Variants in LRRIQ1 observed in about 807,000 individuals in gnomAD.
The protein encoded by LRRIQ1 is leucine-rich repeat- and IQ domain-containing protein 1.
A neutral mutation model predicts 211.9 loss-of-function variants in LRRIQ1; 210 were observed. That is an observed-to-expected ratio of 0.99 (90% CI 0.89 to 1.11). The LOEUF (loss-of-function observed/expected upper bound fraction) is 1.11. Among genes scored for constraint, LRRIQ1 ranks in the 50% most tolerant of loss-of-function variants. The pLI is 0.00. For synonymous variants in LRRIQ1, 699 were observed against 650.1 expected, an observed-to-expected ratio of 1.08 and a Z score of -1.14; for missense variants, 2,136 against 1,939.5, an observed-to-expected ratio of 1.10 and a Z score of -1.90.
intron 24 of LRRIQ1, among the ~76,000 whole-genome samples, chr12:85,162,470 A>T (rs755487488): frequency 3.3e-5 from 5 of 152,184 alleles, no homozygotes; most frequent in Non-Finnish European, 7.4e-5. Context: ...AGGAAGAAAG[A>T]TAAGCAGGGT....
At chr12:85,211,793 G>T (rs1445006620) in intron 24 of LRRIQ1, among the ~76,000 whole-genome samples, 1 of 151,930 alleles carries the variant, frequency 6.6e-6, no homozygotes, top group Non-Finnish European at 1.5e-5. Context: ...ATTAAACTTG[G>T]ATCATTCATA....
intron 26 of LRRIQ1, among the ~76,000 whole-genome samples, chr12:85,238,702 G>A (rs979296880): frequency 1.3e-5 from 2 of 151,984 alleles, no homozygotes; most frequent in Non-Finnish European, 2.9e-5. Context: ...CAGATTTGTG[G>A]TAAAAATTCA....
At chr12:85,197,173 AAAC>A (rs1892964472) in intron 24 of LRRIQ1, among the ~76,000 whole-genome samples, 1 of 152,158 alleles carries the variant, frequency 6.6e-6, no homozygotes, top group Non-Finnish European at 1.5e-5. Flanking sequence ...AAAAGTCAGG[AAAC>A]AACAGGTGCT....
intron 7 of LRRIQ1, among the ~76,000 whole-genome samples, chr12:85,054,914 T>A (rs1204324006): frequency 6.6e-6 from 1 of 152,122 alleles, no homozygotes; most frequent in Non-Finnish European, 1.5e-5. Flanking sequence ...GTTGATCTTC[T>A]TACTTTTGGT....
rs1895001559 is a variant in LRRIQ1, at chr12:85,232,710, C to T, written c.4970C>T (p.Pro1657Leu). The change falls in exon 26 of 27, where the codon CCT becomes CTT. Residue 1657 changes from proline to leucine, a missense_variant. Transcript: ENST00000393217. Reference sequence around the variant, plus strand: ...TCACTATGCAGCAATCACTTTTTGCCTGAGTTAGATCCAGATGTACTTAAT... The same window carrying T: ...TCACTATGCAGCAATCACTTTTTGCTTGAGTTAGATCCAGATGTACTTAAT... ...SRNMKCNHFL[P>L]ELDPDVLNGG... is the part of the protein sequence containing the mutation. The T allele has an allele frequency of 4.3e-6, 7 of 1,611,558 alleles. No homozygotes were observed. The highest frequency in any genetic ancestry group is 1.3e-5 in the African/African-American group (1 of 74,758).
intron 24 of LRRIQ1, among the ~76,000 whole-genome samples, chr12:85,205,765 G>T (rs573077518): frequency 3.3e-5 from 5 of 152,202 alleles, no homozygotes; most frequent in African/African-American, 1.2e-4. Context: ...TCTTTACATA[G>T]TCTTATATTT....
chr12:85,055,701 A>G lies in LRRIQ1; in HGVS notation c.908A>G (p.Tyr303Cys). The change falls in exon 8 of 27, where the codon TAT becomes TGT. Residue 303 changes from tyrosine (Y) to cysteine (C), a missense_variant. Tyr to Cys is a radical substitution (Grantham distance 194, BLOSUM62 -2). Transcript: ENST00000393217. ...KYKAFVAYQK[Y>C]GPIIKEQIES... ...AAAGCATTTGTTGCCTATCAAAAAT[A>G]TGGCCCAATTATTAAAGAGCAAATT... 1.2e-6 allele frequency: 2 copies of G among 1,609,292 alleles called. No individual in the cohort carries two copies. The highest frequency in any genetic ancestry group is 2.7e-5 in the African/African-American group (2 of 74,674).
At chr12:85,154,704 G>A (rs1353273659) in intron 23 of LRRIQ1, among the ~76,000 whole-genome samples, 1 of 151,066 alleles carries the variant, frequency 6.6e-6, no homozygotes, top group Non-Finnish European at 1.5e-5. Context: ...GAAATATCAG[G>A]ATATTATGAT....
chr12:85,121,717 TG>T lies in LRRIQ1; in HGVS notation c.3399del (p.Leu1133PhefsTer4). ...AATAGGGATTCTCTACTTAAAGTGTTGCCTGCTCTGAGAATCCTCAATGGCA... is the reference window on the plus strand; with the variant it reads ...AATAGGGATTCTCTACTTAAAGTGTTCCTGCTCTGAGAATCCTCAATGGCA... Reference protein sequence around the residue: ...TNWRDSLLKVLPALRILNGNI... With the variant: ...TNWRDSLLKVXPALRILNGNI... On this transcript the variant is annotated frameshift_variant, in exon 16 of 27. Coordinates refer to ENST00000393217, the MANE Select transcript of LRRIQ1 (RefSeq NM_001079910.2). LOFTEE classifies it high-confidence loss of function. The T allele has an allele frequency of 6.3e-7, 1 of 1,591,740 alleles. No homozygotes were observed. Among genetic ancestry groups the T allele is most frequent in the Non-Finnish European group, 8.5e-7 (1 of 1,170,734 alleles).
rs1888226641 is a variant in LRRIQ1, at chr12:85,124,487, G to T, written c.3975G>T (p.Arg1325Ser). Residue 1325 changes from arginine (R) to serine (S), a missense_variant, in exon 17 of 27, where the codon AGG becomes AGT. Arg to Ser is a moderately radical substitution (Grantham distance 110). Transcript: ENST00000393217. ...TAGTAATGACAAATTCTTTGCTGAGGAATCACCAAAATATTGAGCCTAGTG... is the reference window on the plus strand; with the variant it reads ...TAGTAATGACAAATTCTTTGCTGAGTAATCACCAAAATATTGAGCCTAGTG... The part of the protein sequence containing the change: ...KEVVMTNSLL[R>S]NHQNIEPSEK... 3.1e-6 allele frequency: 5 copies of T among 1,612,904 alleles called. No individual in the cohort carries two copies. In the East Asian group the frequency reaches 1.1e-4, roughly 36 times the overall value.
chr12:85,043,321 A>T (rs1351627042), intron 3 of LRRIQ1, among the ~76,000 whole-genome samples: 1 of 152,066 alleles, frequency 6.6e-6, no homozygotes, highest in African/African-American at 2.4e-5. Context: ...TTACAAAAAA[A>T]ATAGCTCATT....
At chr12:85,133,286 G>T (rs1167418796) in intron 18 of LRRIQ1, among the ~76,000 whole-genome samples, 1 of 151,962 alleles carries the variant, frequency 6.6e-6, no homozygotes, top group African/African-American at 2.4e-5. Flanking sequence ...AATTTTGTAG[G>T]TTGGGTAAAA....
chr12:85,195,168 G>T (rs919699955), intron 24 of LRRIQ1, among the ~76,000 whole-genome samples: 12 of 151,928 alleles, frequency 7.9e-5, no homozygotes, highest in African/African-American at 2.4e-4. Flanking sequence ...ATCTGAAATT[G>T]TGGCAATAAT....
At chr12:85,222,572 T>G (rs1331438734) in intron 24 of LRRIQ1, among the ~76,000 whole-genome samples, 4 of 152,066 alleles carry the variant, frequency 2.6e-5, no homozygotes, top group Non-Finnish European at 5.9e-5. Flanking sequence ...TGAAAGGGTG[T>G]TGGGAGAAAG....
intron 11 of LRRIQ1, among the ~76,000 whole-genome samples, chr12:85,088,864 T>C (rs1455163141): frequency 6.6e-6 from 1 of 152,228 alleles, no homozygotes; most frequent in African/African-American, 2.4e-5. Flanking sequence ...GTTTTCTAAA[T>C]ATACAATCAT....
intron 23 of LRRIQ1, among the ~76,000 whole-genome samples, chr12:85,155,478 A>G (rs1231937376): frequency 6.6e-6 from 1 of 151,510 alleles, no homozygotes; most frequent in African/African-American, 2.4e-5. Context: ...CTGGTAGTGT[A>G]ATAAACTCTA....
chr12:85,155,678 A>G (rs1327664898), intron 23 of LRRIQ1, among the ~76,000 whole-genome samples: 2 of 151,680 alleles, frequency 1.3e-5, no homozygotes, highest in African/African-American at 4.8e-5. Context: ...GAATTTTGCT[A>G]GGCCCACTTT....
chr12:85,042,993 G>A (rs1026645115), intron 3 of LRRIQ1, among the ~76,000 whole-genome samples: 1 of 151,932 alleles, frequency 6.6e-6, no homozygotes, highest in African/African-American at 2.4e-5. Flanking sequence ...AAGTTTTTTT[G>A]TTTATTTTTA....
At chr12:85,233,383 A>G (rs1593005406) in intron 26 of LRRIQ1, among the ~76,000 whole-genome samples, 1 of 152,040 alleles carries the variant, frequency 6.6e-6, no homozygotes, top group African/African-American at 2.4e-5. Flanking sequence ...AGAAATTTCC[A>G]GAGAAGAGAG....
Sources: gnomAD v4.1 joint callset for allele counts (sites outside exome capture counted in the v4.1 genomes callset) on GRCh38, gnomAD v4.1.1 for gene constraint, MANE v1.5 for transcripts, NCBI Gene and HGNC (gene_info 2026-07-23, HGNC 2026-07-21) for gene names.